The following SCN1A variants were observed in gnomAD, a reference collection of about 807,000 sequenced individuals.
The protein encoded by SCN1A is sodium channel protein type 1 subunit alpha.
In SCN1A, 13 loss-of-function variants were observed where a neutral mutation model predicts 193.7. The ratio of observed to expected loss-of-function variants is 0.07; its 90% CI spans 0.04 to 0.11. The LOEUF is 0.11. Among genes scored for constraint, SCN1A ranks in the 10% least tolerant of loss-of-function variants. The probability of loss-of-function intolerance (pLI) is 1.00; values close to 1 mark genes in which losing one functional copy is unlikely to be tolerated. For synonymous variants in SCN1A, 781 were observed against 843.6 expected, an observed-to-expected ratio of 0.93 and a Z score of 1.29; for missense variants, 1,432 against 2,451.1, an observed-to-expected ratio of 0.58 and a Z score of 8.78.
At chr2:166,112,144 A>G (rs975172447) in intron 2 of SCN1A, among the ~76,000 whole-genome samples, 5 of 152,194 alleles carry the variant, frequency 3.3e-5, no homozygotes, top group African/African-American at 1.2e-4. Context: ...ATCAAACAGC[A>G]TCACATGCTA....
chr2:166,106,503 A>C (rs1688709726), intron 2 of SCN1A, among the ~76,000 whole-genome samples: 1 of 152,036 alleles, frequency 6.6e-6, no homozygotes, highest in Non-Finnish European at 1.5e-5. Context: ...TTGGGCAAGC[A>C]GAAACAATTC....
chr2:166,145,387 A>G (rs1390683070), intron 1 of SCN1A, among the ~76,000 whole-genome samples: 4 of 152,208 alleles, frequency 2.6e-5, no homozygotes, highest in Non-Finnish European at 5.9e-5. Flanking sequence ...TCATTCAAGT[A>G]TGAGGTATTA....
intron 23 of SCN1A, among the ~76,000 whole-genome samples, chr2:166,004,056 C>T (rs1691313596): frequency 6.6e-6 from 1 of 151,468 alleles, no homozygotes; most frequent in Non-Finnish European, 1.5e-5. Context: ...GTTGAGTTAT[C>T]CAGGCAGAAC....
At chr2:166,008,300 A>G (rs973512750) in intron 23 of SCN1A, among the ~76,000 whole-genome samples, 3 of 151,250 alleles carry the variant, frequency 2.0e-5, no homozygotes, top group African/African-American at 7.3e-5. Context: ...AAACTTTCAA[A>G]TGGTCAAATG....
At chr2:166,061,164 C>G (rs1322432512) in intron 4 of SCN1A, among the ~76,000 whole-genome samples, 1 of 152,092 alleles carries the variant, frequency 6.6e-6, no homozygotes, top group South Asian at 2.1e-4. Flanking sequence ...GAAGAGAACA[C>G]CTGTGATGCT....
chr2:166,015,322 C>T (rs1693126712), intron 20 of SCN1A, among the ~76,000 whole-genome samples: 1 of 151,914 alleles, frequency 6.6e-6, no homozygotes, highest in Non-Finnish European at 1.5e-5. Flanking sequence ...GTCTAAGATG[C>T]CAACTTATTG....
intron 22 of SCN1A, among the ~76,000 whole-genome samples, chr2:166,011,619 A>T (rs894090151): frequency 6.6e-6 from 1 of 151,186 alleles, no homozygotes; most frequent in Non-Finnish European, 1.5e-5. Context: ...TGAGTAGATC[A>T]AATAGAATTT....
In SCN1A at chr2:165,992,256, G is replaced by A. The variant is rs757002972; in HGVS notation, c.5019C>T (p.Ile1673=). The A allele has an allele frequency of 5.0e-6, 8 of 1,613,832 alleles. No individual in the cohort carries two copies. Among genetic ancestry groups the A allele is most frequent in the South Asian group, 1.1e-5 (1 of 91,070 alleles). Residue 1673 remains isoleucine, a synonymous_variant, in exon 29 of 29, where the codon ATC becomes ATT. Transcript: ENST00000674923. This position sits in a 1 kb window ranked among gnomAD's most constrained non-coding sequence, Gnocchi z 6.5. ...ACATGACTAGGAAGAGTAGGAGGCC[G>A]ATGTTAAACAACGCAGGAAGGGACA... ...LMMSLPALFN[I]GLLLFLVMFI... is the part of the protein sequence containing the mutation.
At chr2:166,008,586 T>G (rs1691974403) in intron 23 of SCN1A, among the ~76,000 whole-genome samples, 1 of 151,142 alleles carries the variant, frequency 6.6e-6, no homozygotes, top group African/African-American at 2.4e-5. Context: ...CTACTTGTAT[T>G]ATATTGTTCT....
chr2:166,007,639 AATTT>A lies in SCN1A; in HGVS notation c.4002+2076_4002+2079del, dbSNP rs1259590393. 4.0e-5 allele frequency among the ~76,000 whole-genome samples: 6 copies of A among 151,402 alleles called. No homozygotes were observed. The highest frequency in any genetic ancestry group is 2.6e-4 in the Admixed American group (4 of 15,114). On this transcript the variant is annotated intron_variant, in intron 23 of 28. Transcript: ENST00000674923. ...AAAACACAAAGTGCAACGTGATGAT[AATTT>A]ATTTGTTACTTTCTAACTTCTTATC...
intron 19 of SCN1A, among the ~76,000 whole-genome samples, chr2:166,020,195 C>A (rs960267839): frequency 1.3e-5 from 2 of 152,150 alleles, no homozygotes; most frequent in Non-Finnish European, 2.9e-5. Flanking sequence ...CAGGCGTGAT[C>A]CACCACGCCC....
chr2:166,002,039 C>T (rs1444569064), intron 24 of SCN1A, among the ~76,000 whole-genome samples: 2 of 151,356 alleles, frequency 1.3e-5, no homozygotes, highest in African/African-American at 4.8e-5. Flanking sequence ...AGCAGTTAAT[C>T]CCTACCAATT....
rs577306 is a variant in SCN1A, at chr2:166,015,395, C to A, written c.3550+212G>T. Reference sequence around the variant, plus strand: ...TTTTGATGGTACTAAAATATTTTTCCTCCATGTTCTTAATCTCTTCCACAT... The same window carrying A: ...TTTTGATGGTACTAAAATATTTTTCATCCATGTTCTTAATCTCTTCCACAT... On this transcript the variant is annotated intron_variant, in intron 20 of 28. Transcript: ENST00000674923. 0.26 allele frequency among the ~76,000 whole-genome samples: 40,124 copies of A among 151,584 alleles called. 5,674 individuals are homozygous for A. The highest frequency in any genetic ancestry group is 0.48 in the Middle Eastern group (140 of 294).
Position 166,056,586 on chromosome 2 carries a change from C to G in SCN1A, c.384-86G>C, listed in dbSNP as rs556199265. 7.6e-6 allele frequency: 7 copies of G among 919,158 alleles called. No individual in the cohort carries two copies. In the African/African-American group the frequency reaches 8.2e-5, roughly 11 times the overall value. 56.9% of individuals were successfully genotyped at this position (919,158 alleles called of 1,614,324 possible). ...AGCTAACATTGAAAAGCCCAAACTG[C>G]AGCTTAGCCAAAATTCAGGGATAAA... On this transcript the variant is annotated intron_variant, in intron 5 of 28. Transcript: ENST00000674923.
intron 2 of SCN1A, among the ~76,000 whole-genome samples, chr2:166,121,039 G>C (rs1690528146): frequency 1.3e-5 from 2 of 148,984 alleles, no homozygotes; most frequent in Admixed American, 1.4e-4. Context: ...AAAAGGATCA[G>C]ATTCATGACC....
At chr2:165,996,990 A>G (rs532839583) in intron 26 of SCN1A, among the ~76,000 whole-genome samples, 3 of 151,572 alleles carry the variant, frequency 2.0e-5, no homozygotes, top group African/African-American at 2.4e-5. Flanking sequence ...CCTATTAAAT[A>G]TCAAATATTC....
At chr2:166,058,769 A>C (rs1228181068) in intron 4 of SCN1A, 81 bp from the exon 5 acceptor site, 2 of 835,972 alleles carry the variant, frequency 2.4e-6, no homozygotes, top group African/African-American at 3.4e-5. Flanking sequence ...TACTTGTCAT[A>C]ATAAATTATT....
chr2:166,020,233 C>G (rs1462982998), intron 19 of SCN1A, among the ~76,000 whole-genome samples: 1 of 152,158 alleles, frequency 6.6e-6, no homozygotes, highest in East Asian at 1.9e-4. Context: ...TTAATGTTCT[C>G]TGACTTTTTC....
At chr2:166,061,124 G>T (rs1199738142) in intron 4 of SCN1A, among the ~76,000 whole-genome samples, 1 of 152,036 alleles carries the variant, frequency 6.6e-6, no homozygotes, top group Admixed American at 6.6e-5. Context: ...AAATAACCAG[G>T]CTCATCCTAA....
Sources: gnomAD v4.1 joint callset for allele counts (sites outside exome capture counted in the v4.1 genomes callset) on GRCh38, gnomAD v4.1.1 for gene constraint, Gnocchi (gnomAD v3.1) non-coding constraint, MANE v1.5 for transcripts, NCBI Gene and HGNC (gene_info 2026-07-23, HGNC 2026-07-21) for gene names.